Variants in CSMD1 observed in about 807,000 individuals in gnomAD.
CSMD1 encodes the protein CUB and sushi domain-containing protein 1.
A neutral mutation model predicts 417.5 loss-of-function variants in CSMD1; 213 were observed. The ratio of observed to expected loss-of-function variants is 0.51; its 90% CI spans 0.46 to 0.57. The LOEUF (loss-of-function observed/expected upper bound fraction) is 0.57, where lower values mean the gene tolerates loss of function less well. Ranked by LOEUF, CSMD1 falls within the 20% of genes least tolerant of loss-of-function variation. The probability of loss-of-function intolerance (pLI) is 0.00; values close to 1 mark genes in which losing one functional copy is unlikely to be tolerated. For missense variants in CSMD1, 6,923 were observed against 4,529.7 expected, an observed-to-expected ratio of 1.53 and a Z score of -15.17; for synonymous variants, 2,862 against 1,736.8, an observed-to-expected ratio of 1.65 and a Z score of -16.11.
chr8:3,525,609 G>C (rs577952405), intron 10 of CSMD1, among the ~76,000 whole-genome samples: 4 of 152,254 alleles, frequency 2.6e-5, no homozygotes, highest in Admixed American at 6.5e-5. Flanking sequence ...GGAGGGCATC[G>C]TATCTTCAAA....
At chr8:3,262,394 C>T in intron 26 of CSMD1, among the ~76,000 whole-genome samples, 1 of 150,948 alleles carries the variant, frequency 6.6e-6, no homozygotes, top group East Asian at 1.9e-4. Flanking sequence ...TGACAGTATC[C>T]ATTTTCAGCA....
Position 3,962,411 on chromosome 8 carries a change from G to C in CSMD1, c.818+35492C>G, listed in dbSNP as rs143352634. On this transcript the variant is annotated intron_variant, in intron 5 of 69. Transcript: ENST00000635120. The stretch of plus-strand genomic sequence containing the variant: ...TGTCACCACGCAGTCCTGAATTCAA[G>C]GTCTACCACCCTCACCTCTCAGCTG... Among the ~76,000 whole-genome samples, 317 of 152,274 alleles carry C rather than the reference G, an allele frequency of 2.1e-3. 3 individuals carry two copies. The highest frequency in any genetic ancestry group is 7.4e-3 in the African/African-American group (308 of 41,550).
At chr8:4,402,686 A>T (rs1804723442) in intron 3 of CSMD1, among the ~76,000 whole-genome samples, 1 of 152,174 alleles carries the variant, frequency 6.6e-6, no homozygotes, top group African/African-American at 2.4e-5. Flanking sequence ...TTCATGGAGA[A>T]AATAGAAGCA....
At chr8:3,109,412 C>A (rs761482262) in intron 43 of CSMD1, among the ~76,000 whole-genome samples, 1 of 152,178 alleles carries the variant, frequency 6.6e-6, no homozygotes, top group African/African-American at 2.4e-5. Flanking sequence ...TGTGGTCAAC[C>A]TAATATTTCA....
chr8:3,921,304 TTAGCA>T lies in CSMD1; in HGVS notation c.818+76594_818+76598del, dbSNP rs1809241757. Among the ~76,000 whole-genome samples the T allele has an allele frequency of 6.6e-5, 10 of 152,228 alleles. No individual in the cohort carries two copies. In the South Asian group the frequency reaches 2.1e-3, roughly 32 times the overall value. On this transcript the variant is annotated intron_variant, in intron 5 of 69. Transcript: ENST00000635120. ...TAATTTTGAGTCTTCTCTTTTCTACTTAGCATAAGAGTTTATCATTTTTGTCTATC... is the reference window on the plus strand; with the variant it reads ...TAATTTTGAGTCTTCTCTTTTCTACTTAAGAGTTTATCATTTTTGTCTATC...
intron 3 of CSMD1, among the ~76,000 whole-genome samples, chr8:4,221,219 A>C (rs1330352324): frequency 2.6e-5 from 4 of 152,168 alleles, no homozygotes; most frequent in Non-Finnish European, 4.4e-5. Context: ...AATATTTCAA[A>C]TACAACATAT....
chr8:4,565,252 T>C (rs1285082906), intron 2 of CSMD1, among the ~76,000 whole-genome samples: 1 of 152,218 alleles, frequency 6.6e-6, no homozygotes, highest in African/African-American at 2.4e-5. Context: ...AATGCCTCAT[T>C]CACAATAGTG....
chr8:4,685,879 G>T (rs890843099), intron 1 of CSMD1, among the ~76,000 whole-genome samples: 2 of 152,116 alleles, frequency 1.3e-5, no homozygotes, highest in Admixed American at 1.3e-4. Context: ...TTCCCTTTGG[G>T]CCATGGCCAC....
chr8:3,614,340 C>T (rs180786875), intron 8 of CSMD1, among the ~76,000 whole-genome samples: 32 of 151,220 alleles, frequency 2.1e-4, no homozygotes, highest in South Asian at 1.1e-3. Flanking sequence ...CCTAGATTCT[C>T]CCTACACCGC....
chr8:4,554,215 C>A (rs181179516), intron 2 of CSMD1, among the ~76,000 whole-genome samples: 205 of 152,268 alleles, frequency 1.3e-3, no homozygotes, highest in African/African-American at 4.4e-3. Context: ...CGGCTCACTG[C>A]AACCTATGCT....
At chr8:4,351,473 T>C (rs772835602) in intron 3 of CSMD1, among the ~76,000 whole-genome samples, 2 of 152,236 alleles carry the variant, frequency 1.3e-5, no homozygotes, top group Admixed American at 6.5e-5. Flanking sequence ...TCCATAGCTA[T>C]TACTGTGCCA....
At chr8:3,420,291 A>G (rs1038218767) in intron 12 of CSMD1, among the ~76,000 whole-genome samples, 1 of 152,078 alleles carries the variant, frequency 6.6e-6, no homozygotes, top group African/African-American at 2.4e-5. Flanking sequence ...CACAATACCA[A>G]CCAGGACTCC....
At chr8:4,891,947 G>C (rs115592774) in intron 1 of CSMD1, among the ~76,000 whole-genome samples, 1,894 of 152,142 alleles carry the variant, frequency 0.012, 52 homozygotes, top group African/African-American at 0.043. Context: ...GAAAAAAGAA[G>C]ATGGCCTTTA....
chr8:3,659,994 G>C (rs900225), intron 7 of CSMD1, among the ~76,000 whole-genome samples: 3 of 152,222 alleles, frequency 2.0e-5, no homozygotes, highest in Non-Finnish European at 4.4e-5. Flanking sequence ...CACACTGCTC[G>C]TTCTGAACAA....
At chr8:3,905,104 G>T (rs1298738861) in intron 5 of CSMD1, among the ~76,000 whole-genome samples, 2 of 151,880 alleles carry the variant, frequency 1.3e-5, no homozygotes, top group African/African-American at 4.8e-5. Context: ...GGAAACTGAG[G>T]CAATTTTAAT....
At chr8:3,942,240 T>A (rs1810933357) in intron 5 of CSMD1, among the ~76,000 whole-genome samples, 1 of 152,012 alleles carries the variant, frequency 6.6e-6, no homozygotes, top group South Asian at 2.1e-4. Context: ...TACTGTGTAA[T>A]CTTAATAGAA....
At chr8:2,963,951 GT>G (rs1803722465) in intron 59 of CSMD1, among the ~76,000 whole-genome samples, 1 of 152,200 alleles carries the variant, frequency 6.6e-6, no homozygotes, top group South Asian at 2.1e-4. Flanking sequence ...GGAGCCTGAT[GT>G]CCACTTTATG....
chr8:4,614,347 T>C (rs894101931), intron 2 of CSMD1, among the ~76,000 whole-genome samples: 1 of 152,106 alleles, frequency 6.6e-6, no homozygotes, highest in South Asian at 2.1e-4. Flanking sequence ...ACTCCCACCA[T>C]TACCTCCATG....
intron 4 of CSMD1, among the ~76,000 whole-genome samples, chr8:4,019,193 T>A (rs1199613566): frequency 6.6e-6 from 1 of 152,194 alleles, no homozygotes; most frequent in Admixed American, 6.5e-5. Flanking sequence ...AAGACAGGTT[T>A]ATTATGGACA....
Sources: gnomAD v4.1 joint callset for allele counts (sites outside exome capture counted in the v4.1 genomes callset) on GRCh38, gnomAD v4.1.1 for gene constraint, MANE v1.5 for transcripts, NCBI Gene and HGNC (gene_info 2026-07-23, HGNC 2026-07-21) for gene names.